MAP4K3: variants seen among roughly 807,000 people sequenced by gnomAD.
MAP4K3 encodes mitogen-activated protein kinase kinase kinase kinase 3.
In MAP4K3, 94 loss-of-function variants were observed where a neutral mutation model predicts 143.5. The ratio of observed to expected loss-of-function variants is 0.65; its 90% CI spans 0.55 to 0.78. The LOEUF (loss-of-function observed/expected upper bound fraction) is 0.78, where lower values mean the gene tolerates loss of function less well. Ranked by LOEUF, MAP4K3 falls within the 30% of genes least tolerant of loss-of-function variation. The pLI, the probability that MAP4K3 is intolerant of heterozygous loss-of-function variation, is 0.00. For synonymous variants in MAP4K3, 416 were observed against 347.2 expected (o/e 1.20, Z -2.20); for missense variants, 1,077 against 1,068.1 (o/e 1.01, Z -0.12).
intron 1 of MAP4K3, among the ~76,000 whole-genome samples, chr2:39,389,829 CAAAT>C (rs2148593906): frequency 6.6e-6 from 1 of 151,980 alleles, no homozygotes; most frequent in East Asian, 1.9e-4. Flanking sequence ...CAAGGAGTAT[CAAAT>C]AAACTACCAA....
chr2:39,326,268 TG>T lies in MAP4K3; in HGVS notation c.539del (p.Pro180GlnfsTer26). Reference protein sequence around the residue: ...SFIGTPYWMAPEVAAVERKGG... With the variant: ...SFIGTPYWMAXEVAAVERKGG... ...CCTTCCTCTCAACAGCTGCAACTTC[TG>T]GAGCCATCCTGAAATAAATATTCCA... On this transcript the variant is annotated frameshift_variant, in exon 9 of 34. Coordinates refer to ENST00000263881, the MANE Select transcript of MAP4K3 (RefSeq NM_003618.4). LOFTEE classifies it high-confidence loss of function. The T allele has an allele frequency of 6.2e-7, 1 of 1,613,786 alleles. No individual in the cohort carries two copies.
intron 2 of MAP4K3, among the ~76,000 whole-genome samples, chr2:39,370,953 G>A (rs1247249759): frequency 1.3e-5 from 2 of 152,010 alleles, no homozygotes; most frequent in African/African-American, 2.4e-5. Flanking sequence ...AAGCCCCAAA[G>A]AATATATATA....
intron 29 of MAP4K3, among the ~76,000 whole-genome samples, chr2:39,260,054 T>C (rs555810204): frequency 6.6e-6 from 1 of 152,318 alleles, no homozygotes; most frequent in African/African-American, 2.4e-5. Context: ...CTTATATTCA[T>C]TTCTAAATAA....
intron 2 of MAP4K3, among the ~76,000 whole-genome samples, chr2:39,365,428 T>TA (rs144262838): frequency 0.63 from 69,155 of 108,968 alleles, 23,303 homozygotes; most frequent in Non-Finnish European, 0.7. Context: ...TACGCCATAG[T>TA]AATTTTTTTT....
At chr2:39,419,352 T>C (rs1015659747) in intron 1 of MAP4K3, among the ~76,000 whole-genome samples, 4 of 152,188 alleles carry the variant, frequency 2.6e-5, no homozygotes, top group Non-Finnish European at 5.9e-5. Flanking sequence ...ATACATTGTC[T>C]AAAATCTTAT....
At chr2:39,376,194 T>G (rs1666213308) in intron 2 of MAP4K3, among the ~76,000 whole-genome samples, 1 of 152,188 alleles carries the variant, frequency 6.6e-6, no homozygotes, top group African/African-American at 2.4e-5. Context: ...TTCCTGTTTG[T>G]GATTACACTT....
At chr2:39,404,684 C>T (rs1460642066) in intron 1 of MAP4K3, among the ~76,000 whole-genome samples, 2 of 144,896 alleles carry the variant, frequency 1.4e-5, no homozygotes, top group African/African-American at 5.2e-5. Context: ...TGCAACGGCA[C>T]GATCTCGGCT....
Position 39,357,728 on chromosome 2 carries a change from T to C in MAP4K3, c.155-1389A>G, listed in dbSNP as rs145491438. On this transcript the variant is annotated intron_variant, in intron 2 of 33. Coordinates refer to ENST00000263881, the MANE Select transcript of MAP4K3 (RefSeq NM_003618.4). ...ACCATTGAGGATTCCTGATTTTCTG[T>C]ATATTAGAAGAAAACAAAATTAGGA... Among the ~76,000 whole-genome samples, 850 of 152,338 alleles carry C rather than the reference T, an allele frequency of 5.6e-3. 10 individuals carry two copies. The highest frequency in any genetic ancestry group is 0.019 in the African/African-American group (791 of 41,578).
intron 31 of MAP4K3, among the ~76,000 whole-genome samples, chr2:39,255,584 A>T (rs944086169): frequency 1.3e-5 from 2 of 152,152 alleles, no homozygotes; most frequent in Non-Finnish European, 2.9e-5. Context: ...ACACTACCTT[A>T]ATCACTATGG....
At chr2:39,292,886 A>T (rs1682108216) in intron 17 of MAP4K3, 60 bp from the exon 18 acceptor site, 25 of 1,378,408 alleles carry the variant, frequency 1.8e-5, no homozygotes, top group Non-Finnish European at 2.6e-5. Flanking sequence ...AGTAAGAAGA[A>T]ATTTTAGAAA....
chr2:39,361,234 G>A (rs949172185), intron 2 of MAP4K3, among the ~76,000 whole-genome samples: 2 of 151,294 alleles, frequency 1.3e-5, no homozygotes, highest in African/African-American at 2.4e-5. Context: ...ATTATATCAC[G>A]TTTTATGTAA....
chr2:39,347,433 T>C (rs1665324721), intron 3 of MAP4K3, among the ~76,000 whole-genome samples: 1 of 152,298 alleles, frequency 6.6e-6, no homozygotes, highest in African/African-American at 2.4e-5. Context: ...AACTAGGACT[T>C]CACACAGCTT....
chr2:39,277,594 C>T (rs562893785), intron 24 of MAP4K3, among the ~76,000 whole-genome samples: 3 of 151,600 alleles, frequency 2.0e-5, no homozygotes, highest in African/African-American at 7.3e-5. Flanking sequence ...GGTGGAGTTT[C>T]ACTTTTGTTG....
intron 1 of MAP4K3, among the ~76,000 whole-genome samples, chr2:39,379,425 C>A (rs1361234032): frequency 6.6e-6 from 1 of 151,964 alleles, no homozygotes; most frequent in East Asian, 1.9e-4. Context: ...AGACTTATTT[C>A]AAATTAAACT....
rs114098649 is a variant in MAP4K3 at position 39,374,920 on chromosome 2, T to C, written c.154+3146A>G. On this transcript the variant is annotated intron_variant, in intron 2 of 33. Coordinates refer to ENST00000263881, the MANE Select transcript of MAP4K3 (RefSeq NM_003618.4). ...AAATCCAACATGTTGCACTAGACTA[T>C]TTCAGACTTAATTTTTGTTTCCAAA... is the stretch of plus-strand genomic sequence containing the variant. 2.5e-3 allele frequency among the ~76,000 whole-genome samples: 377 copies of C among 152,218 alleles called. 1 individual carries two copies. The highest frequency in any genetic ancestry group is 8.6e-3 in the African/African-American group (357 of 41,536).
chr2:39,267,217 T>G lies in MAP4K3; in HGVS notation c.2004A>C (p.Glu668Asp). 6.2e-7 allele frequency: 1 copy of G among 1,614,082 alleles called. No individual in the cohort carries two copies. The change falls in exon 27 of 34, where the codon GAA becomes GAC. Residue 668 changes from glutamate to aspartate, a missense_variant. Glu to Asp is a conservative substitution (Grantham distance 45). Transcript: ENST00000263881. ...CACAACACTTCTGGCACCATTTGGTTTCAGGGATTTTTGCTGATACAGAAA... is the reference window on the plus strand; with the variant it reads ...CACAACACTTCTGGCACCATTTGGTGTCAGGGATTTTTGCTGATACAGAAA... ...RKFSVSAKIP[E>D]TKWCQKCCVV...
At chr2:39,297,783 C>G (rs1283870738) in intron 16 of MAP4K3, among the ~76,000 whole-genome samples, 1 of 152,208 alleles carries the variant, frequency 6.6e-6, no homozygotes, top group Middle Eastern at 3.2e-3. Context: ...ACACGAAACA[C>G]AGCCAAAGAG....
chr2:39,361,640 C>G (rs544597937), intron 2 of MAP4K3, among the ~76,000 whole-genome samples: 1 of 151,558 alleles, frequency 6.6e-6, no homozygotes, highest in Admixed American at 6.6e-5. Context: ...AGGCTCCATA[C>G]AAAGTTTAAA....
intron 1 of MAP4K3, among the ~76,000 whole-genome samples, chr2:39,417,259 G>A (rs948079285): frequency 7.0e-6 from 1 of 143,078 alleles, no homozygotes; most frequent in Admixed American, 7.3e-5. Context: ...TTGCCCTGTC[G>A]CCCAGGCTGG....
Sources: allele counts gnomAD v4.1 joint callset (sites outside exome capture counted in the v4.1 genomes callset), GRCh38; gene constraint gnomAD v4.1.1; transcripts MANE v1.5; gene names NCBI Gene and HGNC (gene_info 2026-07-23, HGNC 2026-07-21).